Variants in WRN observed in about 807,000 individuals in gnomAD.
WRN encodes the protein WRN RecQ like helicase, also known as bifunctional 3'-5' exonuclease/ATP-dependent helicase WRN.
In WRN, 149 loss-of-function variants were observed where a neutral mutation model predicts 180.7. The ratio of observed to expected loss-of-function variants is 0.82; its 90% CI spans 0.72 to 0.94. WRN has a LOEUF of 0.94. Ranked by LOEUF, WRN falls within the 40% of genes least tolerant of loss-of-function variation. WRN has a pLI of 0.00. For missense variants in WRN, 1,661 were observed against 1,700.1 expected (o/e 0.98, Z 0.40); for synonymous variants, 548 against 568.9 (o/e 0.96, Z 0.52).
chr8:31,064,799 G>A, intron 4 of WRN, 116 bp from the exon 5 acceptor site: 1 of 1,247,930 alleles, frequency 8.0e-7, no homozygotes, highest in South Asian at 1.4e-5. Flanking sequence ...ATGTGTTTCT[G>A]AATTTAAAAT....
At chr8:31,073,641 G>A (rs1812993179) in intron 7 of WRN, among the ~76,000 whole-genome samples, 1 of 152,108 alleles carries the variant, frequency 6.6e-6, no homozygotes, top group African/African-American at 2.4e-5. Flanking sequence ...GATAAAATAG[G>A]GAGTGAATGA....
intron 9 of WRN, 71 bp from the exon 10 acceptor site, chr8:31,083,628 G>A (rs1228758470): frequency 4.3e-6 from 5 of 1,174,882 alleles, no homozygotes; most frequent in Non-Finnish European, 6.3e-6. Flanking sequence ...GTATATAGGA[G>A]CTTTGTTCTG....
chr8:31,087,660 A>G, intron 11 of WRN, 116 bp from the exon 12 acceptor site: 1 of 1,017,398 alleles, frequency 9.8e-7, no homozygotes, highest in Non-Finnish European at 1.5e-6. Flanking sequence ...TGGCTTGCAC[A>G]TCTGCCAGCT....
chr8:31,110,935 A>G (rs1801288585), intron 18 of WRN, among the ~76,000 whole-genome samples: 1 of 152,202 alleles, frequency 6.6e-6, no homozygotes, highest in African/African-American at 2.4e-5. Context: ...GGAAGATGAC[A>G]TATTCATGCT....
At chr8:31,068,109 G>A in intron 6 of WRN, 149 bp from the exon 7 acceptor site, 2 of 623,912 alleles carry the variant, frequency 3.2e-6, no homozygotes, top group Non-Finnish European at 2.9e-6. Context: ...ATTAAATGAG[G>A]ACATATTGAT....
In WRN at chr8:31,074,505, CAAAG is replaced by C. The variant is rs538836454; in HGVS notation, c.725-1663_725-1660del. 3.7e-3 allele frequency among the ~76,000 whole-genome samples: 559 copies of C among 152,052 alleles called. 5 individuals are homozygous for C. The highest frequency in any genetic ancestry group is 0.013 in the African/African-American group (527 of 41,458). On this transcript the variant is annotated intron_variant, in intron 7 of 34. Coordinates refer to ENST00000298139, the MANE Select transcript of WRN (RefSeq NM_000553.6). ...GGGTCAAACAGGTGTTAGAAGTTCA[CAAAG>C]AAAGGAAGAGGTTTGAAATAGTCAT... is the stretch of plus-strand genomic sequence containing the variant.
intron 20 of WRN, 38 bp downstream of exon 20, chr8:31,116,566 A>G: frequency 6.2e-7 from 1 of 1,609,846 alleles, no homozygotes. Context: ...CGTTGCTCAT[A>G]GTGGAAGTGG....
At position 31,058,542 on chromosome 8, in the gene WRN, A is replaced by G. The variant is rs34477820; in HGVS notation, c.95A>G (p.Lys32Arg). 6,223 of 1,613,424 alleles carry G rather than the reference A, an allele frequency of 3.9e-3. 20 individuals carry two copies. Among genetic ancestry groups the G allele is most frequent in the Non-Finnish European group, 4.8e-3 (5,681 of 1,179,528 alleles). ...AAAAGATGTGCTGTAGAAGAAAGAAAGGTATGTTGTTCATTGACTATTCTT... is the reference window on the plus strand; with the variant it reads ...AAAAGATGTGCTGTAGAAGAAAGAAGGGTATGTTGTTCATTGACTATTCTT... Reference protein sequence around the residue: ...QNKRCAVEERKACVRKSVFED... With the variant: ...QNKRCAVEERRACVRKSVFED... Residue 32 changes from lysine (K) to arginine (R), a missense_variant and splice_region_variant, in exon 2 of 35, where the codon AAG becomes AGG. Physicochemically the swap from Lys to Arg is conservative, Grantham distance 26. Around this residue, in one of 3 missense-constraint regions of WRN, gnomAD observed 500 missense variants for 504.1 expected, o/e 0.99. Coordinates refer to ENST00000298139, the MANE Select transcript of WRN (RefSeq NM_000553.6).
intron 7 of WRN, among the ~76,000 whole-genome samples, chr8:31,069,674 T>A (rs762533025): frequency 1.7e-4 from 26 of 152,160 alleles, no homozygotes; most frequent in Non-Finnish European, 3.1e-4. Flanking sequence ...CATCTATGGA[T>A]TTGATATCAG....
chr8:31,162,346 G>A (rs1803663031), intron 33 of WRN, among the ~76,000 whole-genome samples: 1 of 151,660 alleles, frequency 6.6e-6, no homozygotes, highest in Admixed American at 6.6e-5. Context: ...CATCAGCCTA[G>A]GCCTACATGG....
intron 1 of WRN, among the ~76,000 whole-genome samples, chr8:31,054,552 A>G (rs1812190614): frequency 6.6e-6 from 1 of 152,074 alleles, no homozygotes; most frequent in Middle Eastern, 3.2e-3. Flanking sequence ...CAAAACAACA[A>G]CAACAAAAAT....
intron 16 of WRN, among the ~76,000 whole-genome samples, chr8:31,093,182 T>G (rs990406641): frequency 6.6e-6 from 1 of 152,204 alleles, no homozygotes; most frequent in Non-Finnish European, 1.5e-5. Flanking sequence ...CAGGATTGTT[T>G]CCAGTTTTGG....
At chr8:31,070,625 T>C (rs958901527) in intron 7 of WRN, among the ~76,000 whole-genome samples, 4 of 150,762 alleles carry the variant, frequency 2.7e-5, no homozygotes, top group Non-Finnish European at 5.9e-5. Context: ...GGGAGATGAG[T>C]CTTATGTCAT....
chr8:31,086,848 G>T (rs1813550240), intron 11 of WRN, among the ~76,000 whole-genome samples: 1 of 152,166 alleles, frequency 6.6e-6, no homozygotes, highest in Non-Finnish European at 1.5e-5. Context: ...ATTTCTCTGA[G>T]AAGTACTGTT....
chr8:31,089,075 TA>T, intron 13 of WRN, 110 bp downstream of exon 13: 1 of 845,260 alleles, frequency 1.2e-6, no homozygotes, highest in Non-Finnish European at 1.9e-6. Flanking sequence ...TCACTATAGT[TA>T]TACATGCCAC....
chr8:31,128,853 T>C (rs1802036210), intron 23 of WRN, among the ~76,000 whole-genome samples: 1 of 152,072 alleles, frequency 6.6e-6, no homozygotes, highest in African/African-American at 2.4e-5. Flanking sequence ...AGCGAGACTC[T>C]GTCTCAAAAA....
intron 18 of WRN, among the ~76,000 whole-genome samples, chr8:31,108,823 G>GT (rs1801193921): frequency 6.6e-6 from 1 of 151,644 alleles, no homozygotes; most frequent in Non-Finnish European, 1.5e-5. Context: ...AGAAGGGAGA[G>GT]GAAGGCAGGA....
intron 24 of WRN, among the ~76,000 whole-genome samples, chr8:31,133,588 T>G (rs185918084): frequency 6.2e-4 from 95 of 152,278 alleles, no homozygotes; most frequent in Admixed American, 2.5e-3. Flanking sequence ...ATGAAATATA[T>G]TGAAAACTTC....
intron 24 of WRN, among the ~76,000 whole-genome samples, chr8:31,138,354 T>A (rs1233067697): frequency 6.6e-6 from 1 of 152,194 alleles, no homozygotes; most frequent in African/African-American, 2.4e-5. Flanking sequence ...GTATACAATT[T>A]GATGTTATGG....
Sources: gnomAD v4.1 joint callset for allele counts (sites outside exome capture counted in the v4.1 genomes callset) on GRCh38, gnomAD v4.1.1 for gene constraint, gnomAD v4.1.1 regional missense constraint, MANE v1.5 for transcripts, NCBI Gene and HGNC (gene_info 2026-07-23, HGNC 2026-07-21) for gene names.